The following ZNF487 variants were observed in gnomAD, a reference collection of about 807,000 sequenced individuals.
ZNF487 encodes KRAB domain only 1.
Under a neutral mutation model 3.0 loss-of-function variants are expected in ZNF487, and 4 were observed. That is an observed-to-expected ratio of 1.35 (90% confidence interval 0.66 to 3.08). ZNF487 has a LOEUF of 3.08. Ranked by LOEUF, ZNF487 falls within the 30% of genes most tolerant of loss-of-function variation. The probability of loss-of-function intolerance (pLI) is 0.01; values close to 1 mark genes in which losing one functional copy is unlikely to be tolerated. For missense variants in ZNF487, 146 were observed against 98.7 expected, an observed-to-expected ratio of 1.48 and a Z score of -2.03; for synonymous variants, 55 against 34.6, an observed-to-expected ratio of 1.59 and a Z score of -2.06.
At chr10:43,477,175 T>TC (rs1420845216) in intron 3 of ZNF487, among the ~76,000 whole-genome samples, 1 of 151,452 alleles carries the variant, frequency 6.6e-6, no homozygotes, top group Non-Finnish European at 1.5e-5. Flanking sequence ...TAAAATCCTT[T>TC]CTTTTTTTTT....
intron 1 of ZNF487, among the ~76,000 whole-genome samples, chr10:43,459,768 TTTATTATTA>T (rs71016770): frequency 0.16 from 21,981 of 138,196 alleles, 1,954 homozygotes; most frequent in Non-Finnish European, 0.2. Context: ...AGGCTGTGAG[TTTATTATTA>T]TTATTATTAT....
At chr10:43,507,968 C>T in the ZNF487 span, among the ~76,000 whole-genome samples, 1 of 152,178 alleles carries the variant, frequency 6.6e-6, no homozygotes, top group Non-Finnish European at 1.5e-5. Context: ...ATGGAAAAGG[C>T]GGGACTGTTG....
the ZNF487 span, among the ~76,000 whole-genome samples, chr10:43,520,461 G>A: frequency 6.6e-6 from 1 of 152,174 alleles, no homozygotes; most frequent in African/African-American, 2.4e-5. Flanking sequence ...AAATTGTGAT[G>A]CATGCAACTT....
At chr10:43,457,350 G>A (rs1180150346) in intron 1 of ZNF487, among the ~76,000 whole-genome samples, 2 of 151,934 alleles carry the variant, frequency 1.3e-5, no homozygotes, top group African/African-American at 2.4e-5. Flanking sequence ...AAGGTCAGGA[G>A]TTCGAGACCA....
chr10:43,468,350 T>G (rs1334342401), intron 1 of ZNF487, among the ~76,000 whole-genome samples: 2 of 152,112 alleles, frequency 1.3e-5, no homozygotes, highest in Non-Finnish European at 2.9e-5. Flanking sequence ...TAGGTAAAAT[T>G]AAACAGCATC....
At chr10:43,458,771 T>C (rs1220191530) in intron 1 of ZNF487, among the ~76,000 whole-genome samples, 1 of 151,910 alleles carries the variant, frequency 6.6e-6, no homozygotes, top group Non-Finnish European at 1.5e-5. Context: ...GAGTACTCAG[T>C]CAGTACATTT....
Position 43,482,383 on chromosome 10 carries a change from G to A in ZNF487, c.*461G>A. The A allele has an allele frequency of 2.1e-6, 1 of 465,886 alleles. No individual in the cohort carries two copies. Among genetic ancestry groups the A allele is most frequent in the South Asian group, 1.5e-5 (1 of 64,644 alleles). 28.9% of individuals were successfully genotyped at this position (465,886 alleles called of 1,614,324 possible). On this transcript the variant is annotated 3_prime_UTR_variant, in exon 4 of 4. Transcript: ENST00000437590. ...GCCATAAATCCTCTTTTATCCTACA[G>A]CAGAGGATACACAGAGGAGAGAAAC...
In ZNF487 at chr10:43,451,275, T is replaced by C. The variant is rs534904265; in HGVS notation, c.-94+14013T>C. On this transcript the variant is annotated intron_variant, in intron 1 of 3. Coordinates refer to ENST00000437590, the MANE Select transcript of ZNF487 (RefSeq NM_001355444.3). ...ATTATTATTATTAGAGATGGAGTTT[T>C]GCTCTTGTTGCCCAGTCTGGAGTGC... Among the ~76,000 whole-genome samples the C allele has an allele frequency of 2.6e-4, 38 of 144,856 alleles. No individual in the cohort carries two copies. In the East Asian group the frequency reaches 4.0e-3, roughly 15 times the overall value.
intron 1 of ZNF487, among the ~76,000 whole-genome samples, chr10:43,439,864 GA>G (rs1189504551): frequency 2.6e-5 from 4 of 152,098 alleles, no homozygotes; most frequent in Non-Finnish European, 4.4e-5. Context: ...CATGTAAACA[GA>G]AAAGTAGAAT....
At chr10:43,458,230 T>C (rs1234846469) in intron 1 of ZNF487, 3 of 152,186 alleles carry the variant, frequency 2.0e-5, no homozygotes, top group Non-Finnish European at 4.4e-5. Context: ...CATGCGCCAA[T>C]GTGGGCAGAG....
the ZNF487 span, among the ~76,000 whole-genome samples, chr10:43,517,832 G>A: frequency 6.6e-6 from 1 of 152,134 alleles, no homozygotes; most frequent in South Asian, 2.1e-4. Flanking sequence ...AAATACCATG[G>A]TACTGGAGGA....
intron 3 of ZNF487, 82 bp from the exon 4 acceptor site, chr10:43,481,347 A>G: frequency 1.6e-6 from 1 of 634,300 alleles, no homozygotes; most frequent in East Asian, 2.7e-5. Context: ...AAAAAAAGAA[A>G]AAAAAAGCAT....
chr10:43,498,491 C>G, the ZNF487 span, among the ~76,000 whole-genome samples: 1 of 150,848 alleles, frequency 6.6e-6, no homozygotes, highest in Non-Finnish European at 1.5e-5. Context: ...AGTGGCCAGG[C>G]TGGTCACGAA....
intron 1 of ZNF487, among the ~76,000 whole-genome samples, chr10:43,439,626 C>T (rs1335521265): frequency 1.3e-5 from 2 of 151,704 alleles, no homozygotes; most frequent in Non-Finnish European, 2.9e-5. Flanking sequence ...ATTGCTTGAA[C>T]CTGGGAGGTG....
At chr10:43,494,660 A>AAGAT in the ZNF487 span, among the ~76,000 whole-genome samples, 1 of 150,354 alleles carries the variant, frequency 6.7e-6, no homozygotes, top group Non-Finnish European at 1.5e-5. Flanking sequence ...AAATCAGTAC[A>AAGAT]CTTGAGGCTG....
the ZNF487 span, among the ~76,000 whole-genome samples, chr10:43,497,558 T>C: frequency 4.6e-5 from 7 of 152,238 alleles, no homozygotes; most frequent in East Asian, 1.3e-3. Context: ...ACTAGCTCAG[T>C]AGAGTTAGGG....
At chr10:43,466,231 A>G (rs530432958) in intron 1 of ZNF487, among the ~76,000 whole-genome samples, 2 of 150,988 alleles carry the variant, frequency 1.3e-5, no homozygotes, top group African/African-American at 2.4e-5. Flanking sequence ...TTTAGTAGAG[A>G]CAGGGTTTCA....
At chr10:43,491,929 TTTTG>T in the ZNF487 span, among the ~76,000 whole-genome samples, 5 of 151,728 alleles carry the variant, frequency 3.3e-5, no homozygotes, top group Admixed American at 1.3e-4. Context: ...TTTTGTTTTA[TTTTG>T]TTTGTTTGTT....
intron 1 of ZNF487, among the ~76,000 whole-genome samples, chr10:43,438,334 T>TG (rs2132023127): frequency 6.6e-6 from 1 of 152,226 alleles, no homozygotes; most frequent in South Asian, 2.1e-4. Context: ...TACAGGCACG[T>TG]GCCACCACAC....
Sources: allele counts gnomAD v4.1 joint callset (sites outside exome capture counted in the v4.1 genomes callset), GRCh38; gene constraint gnomAD v4.1.1; transcripts MANE v1.5; gene names NCBI Gene and HGNC (gene_info 2026-07-23, HGNC 2026-07-21).